The following MAPKAP1 variants were observed in gnomAD, a reference collection of about 807,000 sequenced individuals.
The protein encoded by MAPKAP1 is MAPK associated protein 1.
In MAPKAP1, 20 loss-of-function variants were observed where a neutral mutation model predicts 65.7. That is an observed-to-expected ratio of 0.30 (90% CI 0.21 to 0.44). The LOEUF (loss-of-function observed/expected upper bound fraction) is 0.44. Ranked by LOEUF, MAPKAP1 falls within the 20% of genes least tolerant of loss-of-function variation. The probability of loss-of-function intolerance (pLI) is 1.00; values close to 1 mark genes in which losing one functional copy is unlikely to be tolerated. For synonymous variants in MAPKAP1, 222 were observed against 244.3 expected (o/e 0.91, Z 0.85); for missense variants, 423 against 648.0 (o/e 0.65, Z 3.77).
intron 1 of MAPKAP1, among the ~76,000 whole-genome samples, chr9:125,685,671 A>G (rs1834953333): frequency 6.6e-6 from 1 of 152,208 alleles, no homozygotes; most frequent in South Asian, 2.1e-4. Flanking sequence ...TTAAATAATA[A>G]TCTGTTTACA....
At chr9:125,666,124 C>T (rs1385263955) in intron 3 of MAPKAP1, among the ~76,000 whole-genome samples, 3 of 152,164 alleles carry the variant, frequency 2.0e-5, no homozygotes, top group African/African-American at 4.8e-5. Flanking sequence ...CTTAATATGA[C>T]ATTATTCCTA....
intron 4 of MAPKAP1, among the ~76,000 whole-genome samples, chr9:125,602,404 C>A (rs534815655): frequency 6.6e-6 from 1 of 152,252 alleles, no homozygotes; most frequent in Non-Finnish European, 1.5e-5. Context: ...GATTATCGGG[C>A]CTTCATCCGC....
At chr9:125,463,851 G>C (rs1249981309) in intron 10 of MAPKAP1, among the ~76,000 whole-genome samples, 1 of 152,120 alleles carries the variant, frequency 6.6e-6, no homozygotes, top group Admixed American at 6.5e-5. Context: ...ACTTTATTAA[G>C]GTTTAAATCT....
intron 10 of MAPKAP1, among the ~76,000 whole-genome samples, chr9:125,452,560 C>A (rs534658682): frequency 6.6e-6 from 1 of 152,176 alleles, no homozygotes; most frequent in Non-Finnish European, 1.5e-5. Flanking sequence ...GCCCTTAATA[C>A]TCTTAAACAC....
At chr9:125,698,524 TAG>T (rs1302622488) in intron 1 of MAPKAP1, among the ~76,000 whole-genome samples, 1 of 151,156 alleles carries the variant, frequency 6.6e-6, no homozygotes, top group African/African-American at 2.4e-5. Context: ...GTATTTTTAG[TAG>T]AGACAGGGTT....
intron 3 of MAPKAP1, among the ~76,000 whole-genome samples, chr9:125,663,076 T>A (rs1355591956): frequency 6.6e-6 from 1 of 152,176 alleles, no homozygotes; most frequent in Admixed American, 6.5e-5. Context: ...AGTTTTTTTT[T>A]AAGGAAATTT....
intron 4 of MAPKAP1, chr9:125,596,222 G>A (rs887839806): frequency 1.3e-5 from 10 of 766,168 alleles, no homozygotes; most frequent in Non-Finnish European, 2.4e-5. Flanking sequence ...AGCAAGAGAT[G>A]GCTAATACTT....
At chr9:125,587,094 A>G (rs982359004) in intron 4 of MAPKAP1, among the ~76,000 whole-genome samples, 2 of 152,244 alleles carry the variant, frequency 1.3e-5, no homozygotes, top group Non-Finnish European at 1.5e-5. Flanking sequence ...CTCATACCAC[A>G]TAAATATATC....
chr9:125,646,108 A>G (rs1290957769), intron 4 of MAPKAP1, among the ~76,000 whole-genome samples: 1 of 152,198 alleles, frequency 6.6e-6, no homozygotes, highest in Non-Finnish European at 1.5e-5. Context: ...TTTAAATTAC[A>G]TACTTCATGA....
In MAPKAP1 at chr9:125,468,040, T is replaced by C; in HGVS notation, c.1277A>G (p.Lys426Arg). 6.2e-7 allele frequency: 1 copy of C among 1,614,222 alleles called. No homozygotes were observed. Among genetic ancestry groups the C allele is most frequent in the Non-Finnish European group, 8.5e-7 (1 of 1,180,034 alleles). ...GGAATCGATTGAGATGGGTTTCTGC[T>C]TAATCCAAAACTTAGTGCTGGCTTT... is the stretch of plus-strand genomic sequence containing the variant. Reference protein sequence around the residue: ...NQKASTKFWIKQKPISIDSDL... With the variant: ...NQKASTKFWIRQKPISIDSDL... The change falls in exon 10 of 12, where the codon AAG (lysine) becomes AGG (arginine). Residue 426 changes from lysine (K) to arginine (R), a missense_variant. This residue lies in a region of MAPKAP1 where 185 missense variants were observed against 268.1 expected (regional missense o/e 0.69). Transcript: ENST00000265960.
intron 7 of MAPKAP1, among the ~76,000 whole-genome samples, chr9:125,524,071 TAA>T (rs1829696429): frequency 6.6e-6 from 1 of 152,258 alleles, no homozygotes. Flanking sequence ...TTTACGTAAG[TAA>T]AGAGGCCAGG....
At chr9:125,701,477 ACT>A (rs1453905738) in intron 1 of MAPKAP1, among the ~76,000 whole-genome samples, 2 of 152,104 alleles carry the variant, frequency 1.3e-5, no homozygotes, top group Non-Finnish European at 2.9e-5. Flanking sequence ...GATGCAAATC[ACT>A]CTCTAGTCAA....
At chr9:125,515,613 C>T (rs1829437657) in intron 7 of MAPKAP1, among the ~76,000 whole-genome samples, 1 of 152,194 alleles carries the variant, frequency 6.6e-6, no homozygotes, top group African/African-American at 2.4e-5. Context: ...ATCATTCAGC[C>T]CCAGCCTAAT....
intron 10 of MAPKAP1, among the ~76,000 whole-genome samples, chr9:125,448,786 C>T (rs149393982): frequency 1.3e-5 from 2 of 152,220 alleles, no homozygotes; most frequent in African/African-American, 4.8e-5. Context: ...GGATGGATCA[C>T]CCGAGGTTAG....
intron 4 of MAPKAP1, among the ~76,000 whole-genome samples, chr9:125,625,276 A>ATAAAT (rs1564589758): frequency 6.7e-6 from 1 of 148,944 alleles, no homozygotes; most frequent in African/African-American, 2.5e-5. Flanking sequence ...AAAAAAAAAA[A>ATAAAT]AAAACAAGGG....
At chr9:125,565,209 C>A (rs541067462) in intron 5 of MAPKAP1, among the ~76,000 whole-genome samples, 27 of 152,202 alleles carry the variant, frequency 1.8e-4, no homozygotes, top group African/African-American at 5.8e-4. Context: ...AATTGTTTAA[C>A]CAATATTCAT....
intron 4 of MAPKAP1, among the ~76,000 whole-genome samples, chr9:125,654,540 T>A (rs549230365): frequency 6.6e-6 from 1 of 152,312 alleles, no homozygotes; most frequent in South Asian, 2.1e-4. Flanking sequence ...CCAAAAATTG[T>A]CAAAATTACA....
At chr9:125,610,629 G>A (rs1043380724) in intron 4 of MAPKAP1, among the ~76,000 whole-genome samples, 1 of 152,052 alleles carries the variant, frequency 6.6e-6, no homozygotes. Flanking sequence ...AAGGTTTCCC[G>A]ACTGACCTCC....
chr9:125,493,243 G>A (rs567395497), intron 8 of MAPKAP1, among the ~76,000 whole-genome samples: 12 of 152,306 alleles, frequency 7.9e-5, no homozygotes, highest in African/African-American at 2.6e-4. Flanking sequence ...TACTCCCCAC[G>A]CAGAAGCCCT....
Sources: allele counts gnomAD v4.1 joint callset (sites outside exome capture counted in the v4.1 genomes callset), GRCh38; gene constraint gnomAD v4.1.1; regional missense constraint gnomAD v4.1.1; transcripts MANE v1.5; gene names NCBI Gene and HGNC (gene_info 2026-07-23, HGNC 2026-07-21).